The following R3HCC1L variants were observed in gnomAD, a reference collection of about 807,000 sequenced individuals.
R3HCC1L encodes coiled-coil domain-containing protein R3HCC1L.
In R3HCC1L, 51 loss-of-function variants were observed where a neutral mutation model predicts 59.9. The ratio of observed to expected loss-of-function variants is 0.85; its 90% CI spans 0.68 to 1.07. R3HCC1L has a LOEUF of 1.07. Among genes scored for constraint, R3HCC1L ranks in the 50% least tolerant of loss-of-function variants. R3HCC1L has a pLI of 0.00. For missense variants in R3HCC1L, 965 were observed against 933.0 expected (o/e 1.03, Z -0.45); for synonymous variants, 322 against 315.2 (o/e 1.02, Z -0.23).
chr10:98,137,061 A>T (rs561588940), intron 1 of R3HCC1L, among the ~76,000 whole-genome samples: 178 of 152,146 alleles, frequency 1.2e-3, no homozygotes, highest in African/African-American at 4.0e-3. Flanking sequence ...TACAAAAAAA[A>T]TTAGCTGGGC....
At chr10:98,144,068 G>T (rs1845427906) in intron 1 of R3HCC1L, among the ~76,000 whole-genome samples, 1 of 152,036 alleles carries the variant, frequency 6.6e-6, no homozygotes, top group South Asian at 2.1e-4. Flanking sequence ...TTTTGTGGGG[G>T]GTCCGAAGCA....
chr10:98,173,019 A>G (rs1848666133), intron 4 of R3HCC1L, among the ~76,000 whole-genome samples: 1 of 152,192 alleles, frequency 6.6e-6, no homozygotes, highest in Non-Finnish European at 1.5e-5. Flanking sequence ...TTCATTTTAT[A>G]TAAATTCTTG....
intron 4 of R3HCC1L, among the ~76,000 whole-genome samples, chr10:98,163,996 CT>C (rs1357913288): frequency 1.3e-5 from 2 of 151,964 alleles, no homozygotes; most frequent in African/African-American, 4.8e-5. Context: ...TTGTGAGAGG[CT>C]TTCTTACTCA....
chr10:98,176,609 T>C (rs541181068), intron 4 of R3HCC1L, among the ~76,000 whole-genome samples: 1 of 152,266 alleles, frequency 6.6e-6, no homozygotes, highest in African/African-American at 2.4e-5. Context: ...TTCTTAGAGA[T>C]TCTATGGGAT....
At chr10:98,200,674 A>C (rs1336498188) in intron 4 of R3HCC1L, among the ~76,000 whole-genome samples, 1 of 152,136 alleles carries the variant, frequency 6.6e-6, no homozygotes, top group Non-Finnish European at 1.5e-5. Flanking sequence ...AGCACAAATA[A>C]ATAATATTAA....
chr10:98,167,600 A>C (rs779729462), intron 4 of R3HCC1L, among the ~76,000 whole-genome samples: 2 of 152,264 alleles, frequency 1.3e-5, no homozygotes, highest in Non-Finnish European at 2.9e-5. Flanking sequence ...GGCTGTAGCC[A>C]GACTAGCATT....
At chr10:98,219,632 A>G (rs1189948087) in intron 5 of R3HCC1L, among the ~76,000 whole-genome samples, 1 of 152,154 alleles carries the variant, frequency 6.6e-6, no homozygotes, top group Admixed American at 6.6e-5. Flanking sequence ...TTATGATGGT[A>G]GATAGCATCC....
At chr10:98,186,462 TCCAGATGGTTTTACTCA>T in intron 4 of R3HCC1L, 1 of 954,290 alleles carries the variant, frequency 1.0e-6, no homozygotes, top group Non-Finnish European at 1.2e-6. Flanking sequence ...CCTTGTTTTT[TCCAGATGGTTTTACTCA>T]GCATTTGGTG....
chr10:98,208,022 C>A, intron 4 of R3HCC1L, 79 bp from the exon 5 acceptor site: 1 of 1,323,552 alleles, frequency 7.6e-7, no homozygotes, highest in Non-Finnish European at 1.0e-6. Flanking sequence ...GAGACTCTGT[C>A]CCAAAAAGAA....
chr10:98,213,605 A>G (rs1853834585), intron 5 of R3HCC1L, among the ~76,000 whole-genome samples: 1 of 152,152 alleles, frequency 6.6e-6, no homozygotes, highest in South Asian at 2.1e-4. Flanking sequence ...ATAGAATTAA[A>G]CAAGAGATTA....
intron 9 of R3HCC1L, among the ~76,000 whole-genome samples, chr10:98,239,320 G>A (rs1433939269): frequency 6.6e-6 from 1 of 152,154 alleles, no homozygotes; most frequent in Non-Finnish European, 1.5e-5. Flanking sequence ...AATCAGTCAT[G>A]ACATTCTTTC....
intron 5 of R3HCC1L, among the ~76,000 whole-genome samples, chr10:98,213,501 G>A (rs1458355168): frequency 6.6e-6 from 1 of 152,086 alleles, no homozygotes; most frequent in African/African-American, 2.4e-5. Flanking sequence ...GACTTCAAAA[G>A]GAGATTAGAG....
At chr10:98,189,667 T>TATA (rs1850623139) in intron 4 of R3HCC1L, among the ~76,000 whole-genome samples, 1 of 152,194 alleles carries the variant, frequency 6.6e-6, no homozygotes, top group South Asian at 2.1e-4. Flanking sequence ...TTATTTTGTG[T>TATA]TTTCAAGTGT....
At chr10:98,153,803 C>CAA (rs10708491) in intron 1 of R3HCC1L, among the ~76,000 whole-genome samples, 9 of 135,138 alleles carry the variant, frequency 6.7e-5, no homozygotes, top group African/African-American at 1.9e-4. Context: ...TGTTTTACAT[C>CAA]AAAAAAAAAA....
At chr10:98,230,910 G>C (rs1425691595) in intron 5 of R3HCC1L, 1 of 201,280 alleles carries the variant, frequency 5.0e-6, no homozygotes, top group Non-Finnish European at 1.1e-5. Context: ...TCACTAGCCT[G>C]CTATATGCAC....
chr10:98,164,290 A>C (rs1217360957), intron 4 of R3HCC1L, among the ~76,000 whole-genome samples: 2 of 152,242 alleles, frequency 1.3e-5, no homozygotes, highest in Non-Finnish European at 2.9e-5. Context: ...CTGAGTTCAA[A>C]CAAATTAGTC....
At chr10:98,168,294 C>T (rs1564639478) in intron 4 of R3HCC1L, among the ~76,000 whole-genome samples, 1 of 152,106 alleles carries the variant, frequency 6.6e-6, no homozygotes. Context: ...TAACATTAAA[C>T]TTGGAGCAGT....
At position 98,244,383 on chromosome 10, in the gene R3HCC1L, C is replaced by T; in HGVS notation, c.*225C>T. 2.4e-6 allele frequency: 1 copy of T among 408,628 alleles called. No individual in the cohort carries two copies. Among genetic ancestry groups the T allele is most frequent in the Non-Finnish European group, 4.5e-6 (1 of 223,146 alleles). 25.3% of individuals were successfully genotyped at this position (408,628 alleles called of 1,614,324 possible). A position where few individuals can be genotyped will look rare whatever the true frequency, so the allele number is the denominator to read the frequency against. On this transcript the variant is annotated 3_prime_UTR_variant, in exon 10 of 10. Coordinates refer to ENST00000298999, the MANE Select transcript of R3HCC1L (RefSeq NM_001351015.2). ...TACTGTGGTGGGCGTAGTAGGGAGCCATCAGCTAGGAAGAAACGTGGGAGA... is the reference window on the plus strand; with the variant it reads ...TACTGTGGTGGGCGTAGTAGGGAGCTATCAGCTAGGAAGAAACGTGGGAGA...
intron 5 of R3HCC1L, among the ~76,000 whole-genome samples, chr10:98,220,081 T>G (rs1854693066): frequency 6.6e-6 from 1 of 152,196 alleles, no homozygotes; most frequent in Non-Finnish European, 1.5e-5. Flanking sequence ...ATTTATTTTC[T>G]GACAGGGTTA....
Sources: allele counts gnomAD v4.1 joint callset (sites outside exome capture counted in the v4.1 genomes callset), GRCh38; gene constraint gnomAD v4.1.1; transcripts MANE v1.5; gene names NCBI Gene and HGNC (gene_info 2026-07-23, HGNC 2026-07-21).